DOCK4: variants seen among roughly 807,000 people sequenced by gnomAD.
DOCK4 encodes dedicator of cytokinesis protein 4.
In DOCK4, 97 loss-of-function variants were observed where a neutral mutation model predicts 268.1. That is an observed-to-expected ratio of 0.36 (90% CI 0.31 to 0.43). DOCK4 has a LOEUF of 0.43. Among genes scored for constraint, DOCK4 ranks in the 20% least tolerant of loss-of-function variants. The probability of loss-of-function intolerance (pLI) is 1.00; values close to 1 mark genes in which losing one functional copy is unlikely to be tolerated. For synonymous variants in DOCK4, 954 were observed against 887.2 expected (o/e 1.08, Z -1.34); for missense variants, 2,145 against 2,455.7 (o/e 0.87, Z 2.67).
chr7:112,182,766 G>A (rs1819168191), intron 1 of DOCK4, among the ~76,000 whole-genome samples: 1 of 152,230 alleles, frequency 6.6e-6, no homozygotes, highest in Admixed American at 6.5e-5. Flanking sequence ...GAAAGCACAC[G>A]GCTAGGTGTG....
At chr7:111,783,010 G>GAAA in intron 34 of DOCK4, 86 bp from the exon 35 acceptor site, 4 of 526,388 alleles carry the variant, frequency 7.6e-6, no homozygotes, top group East Asian at 4.4e-5. Flanking sequence ...AAAAAAGAAA[G>GAAA]AAAGAAAGAA....
intron 1 of DOCK4, among the ~76,000 whole-genome samples, chr7:112,115,633 T>TCCATC (rs1563099135): frequency 3.1e-5 from 1 of 32,188 alleles, no homozygotes; most frequent in Non-Finnish European, 5.0e-5. Context: ...ATCCACCCAT[T>TCCATC]CATCCATCCA....
At chr7:112,079,596 T>C (rs907832523) in intron 1 of DOCK4, among the ~76,000 whole-genome samples, 2 of 152,326 alleles carry the variant, frequency 1.3e-5, no homozygotes, top group East Asian at 3.9e-4. Context: ...AGAGACCCTG[T>C]ACTAAAAGAA....
chr7:112,054,139 T>C (rs978950174), intron 1 of DOCK4, among the ~76,000 whole-genome samples: 8 of 151,996 alleles, frequency 5.3e-5, no homozygotes, highest in African/African-American at 7.2e-5. Flanking sequence ...CTGGGCAACA[T>C]AGTGAGACCC....
chr7:112,068,737 CCCAAGCA>C (rs1807306624), intron 1 of DOCK4, among the ~76,000 whole-genome samples: 1 of 152,076 alleles, frequency 6.6e-6, no homozygotes, highest in South Asian at 2.1e-4. Flanking sequence ...ATCCTGCATC[CCCAAGCA>C]CCTCTTGTAG....
At chr7:112,189,900 G>A (rs1486166805) in intron 1 of DOCK4, among the ~76,000 whole-genome samples, 2 of 151,852 alleles carry the variant, frequency 1.3e-5, no homozygotes, top group African/African-American at 4.8e-5. Context: ...TTTTTCAATG[G>A]CAATTTTACA....
intron 1 of DOCK4, among the ~76,000 whole-genome samples, chr7:112,204,105 G>A (rs532229221): frequency 2.6e-5 from 4 of 152,024 alleles, no homozygotes; most frequent in African/African-American, 9.7e-5. Context: ...ACCCAAAACC[G>A]AGGTGTCTGC....
chr7:111,910,027 G>A (rs1026109969), intron 13 of DOCK4, among the ~76,000 whole-genome samples: 3 of 150,648 alleles, frequency 2.0e-5, no homozygotes, highest in African/African-American at 2.4e-5. Flanking sequence ...CCTACTAAAA[G>A]TGAATGCACT....
intron 1 of DOCK4, among the ~76,000 whole-genome samples, chr7:112,027,984 T>C (rs1053044873): frequency 1.3e-5 from 2 of 152,160 alleles, no homozygotes; most frequent in Admixed American, 1.3e-4. Flanking sequence ...TACAGGGCAG[T>C]ACATAGAAGA....
intron 1 of DOCK4, among the ~76,000 whole-genome samples, chr7:112,007,559 C>T (rs1032850339): frequency 1.3e-5 from 2 of 152,128 alleles, no homozygotes; most frequent in African/African-American, 2.4e-5. Context: ...GTAACTCCAC[C>T]TTGCTGTGTA....
At chr7:111,811,818 TA>T in intron 28 of DOCK4, 55 bp downstream of exon 28, 2 of 1,034,528 alleles carry the variant, frequency 1.9e-6, no homozygotes, top group Non-Finnish European at 2.9e-6. Context: ...TAATTTCCTA[TA>T]ATACAATGTG....
chr7:111,994,154 A>G lies in DOCK4; in HGVS notation c.296T>C (p.Met99Thr). 1 of 1,605,228 alleles carries G rather than the reference A, an allele frequency of 6.2e-7. No homozygotes were observed. The highest frequency in any genetic ancestry group is 8.5e-7 in the Non-Finnish European group (1 of 1,174,940). Reference sequence around the variant, plus strand: ...CTTAACCACATAGAGTTGTTTCCACATGGTTCCCCAGTCTCTTAATGTTGA... The same window carrying G: ...CTTAACCACATAGAGTTGTTTCCACGTGGTTCCCCAGTCTCTTAATGTTGA... ...MTSTLRDWGTMWKQLYVRNEG... is the reference protein window; with the variant it reads ...MTSTLRDWGTTWKQLYVRNEG... Residue 99 changes from methionine (M) to threonine (T), a missense_variant, in exon 5 of 53, where the codon ATG becomes ACG. Transcript: ENST00000428084.
At chr7:111,746,800 A>G (rs1029606848) in intron 43 of DOCK4, among the ~76,000 whole-genome samples, 5 of 147,498 alleles carry the variant, frequency 3.4e-5, no homozygotes, top group African/African-American at 1.0e-4. Flanking sequence ...TCATCTAAGC[A>G]AGATCGGTCT....
At chr7:112,051,061 G>A (rs757963487) in intron 1 of DOCK4, among the ~76,000 whole-genome samples, 2 of 152,022 alleles carry the variant, frequency 1.3e-5, no homozygotes, top group Non-Finnish European at 2.9e-5. Context: ...AGAGTATTAG[G>A]CACACATATA....
intron 12 of DOCK4, among the ~76,000 whole-genome samples, chr7:111,917,579 G>A (rs1385258932): frequency 6.6e-6 from 1 of 151,896 alleles, no homozygotes; most frequent in African/African-American, 2.4e-5. Flanking sequence ...GGTGGCAGGT[G>A]CCTGTAGTCC....
intron 8 of DOCK4, among the ~76,000 whole-genome samples, chr7:111,964,551 T>G (rs1797229435): frequency 7.7e-6 from 1 of 130,216 alleles, no homozygotes; most frequent in African/African-American, 3.2e-5. Context: ...AATATGGGAC[T>G]ATGTGAAAAG....
At chr7:111,732,085 A>G in intron 52 of DOCK4, 141 bp downstream of exon 52, 1 of 830,302 alleles carries the variant, frequency 1.2e-6, no homozygotes, top group East Asian at 2.7e-5. Flanking sequence ...GTTTTTCTCA[A>G]CCAGCTTCCC....
At chr7:111,899,505 G>T (rs770024683) in intron 15 of DOCK4, among the ~76,000 whole-genome samples, 7 of 152,162 alleles carry the variant, frequency 4.6e-5, no homozygotes, top group Non-Finnish European at 8.8e-5. Flanking sequence ...GAGAGATGGG[G>T]CTTGAGAGGG....
intron 1 of DOCK4, among the ~76,000 whole-genome samples, chr7:112,083,973 G>A (rs1421442292): frequency 2.0e-5 from 3 of 152,180 alleles, no homozygotes; most frequent in Non-Finnish European, 2.9e-5. Context: ...GCTGAAGTGC[G>A]CTTGCACAGT....
Sources: gnomAD v4.1 joint callset for allele counts (sites outside exome capture counted in the v4.1 genomes callset) on GRCh38, gnomAD v4.1.1 for gene constraint, MANE v1.5 for transcripts, NCBI Gene and HGNC (gene_info 2026-07-23, HGNC 2026-07-21) for gene names.